CNTN4: variants seen among roughly 807,000 people sequenced by gnomAD.
CNTN4 encodes the protein contactin-4.
In CNTN4, 77 loss-of-function variants were observed where a neutral mutation model predicts 122.5. That is an observed-to-expected ratio of 0.63 (90% CI 0.52 to 0.76). The LOEUF (loss-of-function observed/expected upper bound fraction) is 0.76, where lower values mean the gene tolerates loss of function less well. Among genes scored for constraint, CNTN4 ranks in the 30% least tolerant of loss-of-function variants. The probability of loss-of-function intolerance (pLI) is 0.00; values close to 1 mark genes in which losing one functional copy is unlikely to be tolerated. For synonymous variants in CNTN4, 512 were observed against 447.0 expected (o/e 1.15, Z -1.83); for missense variants, 1,256 against 1,259.1 (o/e 1.00, Z 0.04).
chr3:2,952,970 G>C (rs2094761622), intron 13 of CNTN4, among the ~76,000 whole-genome samples: 1 of 152,160 alleles, frequency 6.6e-6, no homozygotes, highest in Non-Finnish European at 1.5e-5. Flanking sequence ...CCAGCTCATT[G>C]TCATTCTGCT....
intron 4 of CNTN4, among the ~76,000 whole-genome samples, chr3:2,651,104 C>T (rs932393921): frequency 1.9e-4 from 29 of 152,188 alleles, no homozygotes; most frequent in African/African-American, 6.3e-4. Flanking sequence ...AAGACTGTTA[C>T]GGTCTTTTCC....
chr3:2,904,092 A>G (rs2094204183), intron 12 of CNTN4, among the ~76,000 whole-genome samples: 1 of 152,206 alleles, frequency 6.6e-6, no homozygotes, highest in Non-Finnish European at 1.5e-5. Context: ...CTATTATTAT[A>G]AAAGAAGAGA....
At chr3:2,782,903 C>G (rs954323006) in intron 6 of CNTN4, among the ~76,000 whole-genome samples, 8 of 152,158 alleles carry the variant, frequency 5.3e-5, no homozygotes, top group Non-Finnish European at 1.2e-4. Context: ...TTTTGTGTTT[C>G]TCTTGGGTCT....
rs570862656 is a variant in CNTN4 at position 2,446,889 on chromosome 3, A to G, written c.-89+107656A>G. On this transcript the variant is annotated intron_variant, in intron 3 of 24. Coordinates refer to ENST00000418658, the MANE Select transcript of CNTN4 (RefSeq NM_175607.3). ...AGCCTGCTAGCCTAATGTAAACAATATAATCGTTCTTCCCTTATTTACTTT... is the reference window on the plus strand; with the variant it reads ...AGCCTGCTAGCCTAATGTAAACAATGTAATCGTTCTTCCCTTATTTACTTT... Among the ~76,000 whole-genome samples the G allele has an allele frequency of 3.1e-3, 468 of 152,358 alleles. 3 individuals are homozygous for G. Among genetic ancestry groups the G allele is most frequent in the African/African-American group, 0.011 (444 of 41,586 alleles).
chr3:2,460,998 C>T (rs1037792423), intron 3 of CNTN4, among the ~76,000 whole-genome samples: 1 of 152,034 alleles, frequency 6.6e-6, no homozygotes, highest in Non-Finnish European at 1.5e-5. Context: ...ATCTAGGAAG[C>T]CCCTGTCCTT....
intron 13 of CNTN4, among the ~76,000 whole-genome samples, chr3:2,981,897 T>C (rs1037646907): frequency 4.0e-5 from 6 of 151,824 alleles, no homozygotes; most frequent in African/African-American, 1.5e-4. Flanking sequence ...ATACAAAATA[T>C]TAGCTAGACG....
intron 2 of CNTN4, among the ~76,000 whole-genome samples, chr3:2,276,631 C>T (rs1258265504): frequency 6.6e-6 from 1 of 152,168 alleles, no homozygotes; most frequent in East Asian, 1.9e-4. Context: ...AACTAACACA[C>T]TGGTTACTTT....
At chr3:2,112,800 C>T (rs1247584437) in intron 2 of CNTN4, among the ~76,000 whole-genome samples, 4 of 152,148 alleles carry the variant, frequency 2.6e-5, no homozygotes, top group South Asian at 2.1e-4. Context: ...ACTAAGCTAA[C>T]TCACATCAGT....
intron 3 of CNTN4, among the ~76,000 whole-genome samples, chr3:2,395,535 G>A (rs1182069177): frequency 1.3e-5 from 2 of 152,110 alleles, no homozygotes; most frequent in Non-Finnish European, 2.9e-5. Flanking sequence ...TGTTATGATC[G>A]ATCTCATCAC....
At chr3:2,814,021 T>C (rs1037952603) in intron 6 of CNTN4, among the ~76,000 whole-genome samples, 2 of 152,380 alleles carry the variant, frequency 1.3e-5, no homozygotes, top group South Asian at 4.1e-4. Flanking sequence ...GCATGTTTTC[T>C]AATCTCATTT....
At chr3:2,340,699 A>G (rs2044152464) in intron 3 of CNTN4, among the ~76,000 whole-genome samples, 2 of 77,544 alleles carry the variant, frequency 2.6e-5, no homozygotes, top group Non-Finnish European at 6.0e-5. Context: ...ATATATATAT[A>G]TATATATATA....
chr3:2,204,680 T>A (rs1024138004), intron 2 of CNTN4, among the ~76,000 whole-genome samples: 2 of 152,194 alleles, frequency 1.3e-5, no homozygotes, highest in East Asian at 1.9e-4. Context: ...TTTTTGTTTT[T>A]TTTTAAAAGA....
intron 2 of CNTN4, among the ~76,000 whole-genome samples, chr3:2,296,352 T>C (rs948695509): frequency 6.6e-6 from 1 of 152,188 alleles, no homozygotes; most frequent in Non-Finnish European, 1.5e-5. Flanking sequence ...TTTTATTTCA[T>C]TGAGCAGTGG....
chr3:2,313,941 A>T (rs977966588), intron 2 of CNTN4, among the ~76,000 whole-genome samples: 1 of 152,026 alleles, frequency 6.6e-6, no homozygotes, highest in Non-Finnish European at 1.5e-5. Flanking sequence ...ATATAAAGTT[A>T]TTTCTGCCTA....
chr3:2,576,897 C>G (rs2079715381), intron 4 of CNTN4, among the ~76,000 whole-genome samples: 1 of 152,098 alleles, frequency 6.6e-6, no homozygotes, highest in Non-Finnish European at 1.5e-5. Flanking sequence ...GAACTGTTCC[C>G]CTGTTGTATT....
chr3:2,128,529 C>A (rs2034291974), intron 2 of CNTN4, among the ~76,000 whole-genome samples: 1 of 152,026 alleles, frequency 6.6e-6, no homozygotes, highest in African/African-American at 2.4e-5. Flanking sequence ...CAATTTTAAT[C>A]CTGCACTGAG....
chr3:2,810,106 A>G (rs78907988), intron 6 of CNTN4, among the ~76,000 whole-genome samples: 2,203 of 152,306 alleles, frequency 0.014, 65 homozygotes, highest in African/African-American at 0.049. Flanking sequence ...AATTTGATAT[A>G]GAATAGAAGT....
At chr3:2,470,724 A>G (rs894273887) in intron 3 of CNTN4, among the ~76,000 whole-genome samples, 16 of 152,302 alleles carry the variant, frequency 1.1e-4, no homozygotes, top group Admixed American at 1.0e-3. Flanking sequence ...CCCACTTGAG[A>G]TAGTGATAAA....
intron 3 of CNTN4, among the ~76,000 whole-genome samples, chr3:2,418,641 A>C (rs1477941790): frequency 6.6e-6 from 1 of 152,228 alleles, no homozygotes; most frequent in Non-Finnish European, 1.5e-5. Context: ...ATCAGTAAAA[A>C]GGTTTCACTT....
Sources: allele counts gnomAD v4.1 joint callset (sites outside exome capture counted in the v4.1 genomes callset), GRCh38; gene constraint gnomAD v4.1.1; transcripts MANE v1.5; gene names NCBI Gene and HGNC (gene_info 2026-07-23, HGNC 2026-07-21).